Variants in PLCXD3 observed in about 807,000 individuals in gnomAD.
PLCXD3 encodes phosphatidylinositol specific phospholipase C X domain containing 3.
A neutral mutation model predicts 25.5 loss-of-function variants in PLCXD3; 19 were observed. The ratio of observed to expected loss-of-function variants is 0.75; its 90% confidence interval spans 0.52 to 1.09. The LOEUF is 1.09. Ranked by LOEUF, PLCXD3 falls within the 50% of genes least tolerant of loss-of-function variation. PLCXD3 has a pLI of 0.00. For missense variants in PLCXD3, 411 were observed against 388.1 expected, an observed-to-expected ratio of 1.06 and a Z score of -0.50; for synonymous variants, 174 against 137.6, an observed-to-expected ratio of 1.26 and a Z score of -1.85.
At chr5:41,480,202 G>C (rs1748369591) in intron 1 of PLCXD3, among the ~76,000 whole-genome samples, 1 of 152,064 alleles carries the variant, frequency 6.6e-6, no homozygotes, top group Non-Finnish European at 1.5e-5. Flanking sequence ...GCAATATACT[G>C]AGAAAGGTTC....
chr5:41,319,213 C>G (rs1743389052), intron 2 of PLCXD3, among the ~76,000 whole-genome samples: 1 of 152,100 alleles, frequency 6.6e-6, no homozygotes, highest in African/African-American at 2.4e-5. Context: ...ATCTTCCAGA[C>G]AGAAAATCAA....
At chr5:41,460,168 C>A (rs1347241826) in intron 1 of PLCXD3, among the ~76,000 whole-genome samples, 2 of 151,960 alleles carry the variant, frequency 1.3e-5, no homozygotes, top group East Asian at 3.9e-4. Context: ...TGCTAGTGTT[C>A]CCATTTGTGT....
intron 1 of PLCXD3, among the ~76,000 whole-genome samples, chr5:41,490,622 G>T (rs1288455193): frequency 6.6e-6 from 1 of 152,120 alleles, no homozygotes; most frequent in Non-Finnish European, 1.5e-5. Flanking sequence ...TCCTGTTATT[G>T]GTCTATTCAG....
chr5:41,457,044 C>T (rs1410683138), intron 1 of PLCXD3, among the ~76,000 whole-genome samples: 1 of 151,782 alleles, frequency 6.6e-6, no homozygotes, highest in South Asian at 2.1e-4. Flanking sequence ...ATACCCAACC[C>T]ATATGAGTCA....
chr5:41,412,244 A>G (rs1048296596), intron 1 of PLCXD3, among the ~76,000 whole-genome samples: 6 of 152,110 alleles, frequency 3.9e-5, no homozygotes, highest in African/African-American at 1.2e-4. Flanking sequence ...TACAACATCA[A>G]TGTTTTTCCG....
chr5:41,404,238 G>A (rs1384875223), intron 1 of PLCXD3, among the ~76,000 whole-genome samples: 1 of 152,044 alleles, frequency 6.6e-6, no homozygotes, highest in Admixed American at 6.6e-5. Flanking sequence ...TTCTAATTTG[G>A]TTAATTAAAA....
intron 1 of PLCXD3, among the ~76,000 whole-genome samples, chr5:41,457,201 T>A (rs1444099155): frequency 6.6e-6 from 1 of 151,976 alleles, no homozygotes; most frequent in African/African-American, 2.4e-5. Flanking sequence ...TGTCGCCTGG[T>A]GTCCACACTT....
intron 1 of PLCXD3, among the ~76,000 whole-genome samples, chr5:41,496,007 A>C (rs1025436351): frequency 1.3e-5 from 2 of 152,156 alleles, no homozygotes; most frequent in Non-Finnish European, 2.9e-5. Flanking sequence ...AAAAAATAAA[A>C]ACTTCATCAA....
intron 1 of PLCXD3, among the ~76,000 whole-genome samples, chr5:41,491,467 G>C (rs543853151): frequency 5.9e-5 from 9 of 152,304 alleles, no homozygotes; most frequent in Non-Finnish European, 1.0e-4. Context: ...GTGCAGAGCT[G>C]AGTTCAATTC....
At chr5:41,458,572 A>T (rs1202719626) in intron 1 of PLCXD3, among the ~76,000 whole-genome samples, 1 of 151,992 alleles carries the variant, frequency 6.6e-6, no homozygotes, top group African/African-American at 2.4e-5. Context: ...AACTGTGTTA[A>T]GTGTTGGGAC....
intron 2 of PLCXD3, among the ~76,000 whole-genome samples, chr5:41,321,529 A>C (rs1388229672): frequency 6.6e-6 from 1 of 152,240 alleles, no homozygotes; most frequent in East Asian, 1.9e-4. Context: ...GATTTAATGC[A>C]ATCTACTGTC....
At position 41,414,907 on chromosome 5, in the gene PLCXD3, T is replaced by C. The variant is rs141116197; in HGVS notation, c.104-32373A>G. On this transcript the variant is annotated intron_variant, in intron 1 of 2. Transcript: ENST00000377801. The stretch of plus-strand genomic sequence containing the variant: ...TGGGCTTGTGTTTAAATAACTCTTA[T>C]TTTATGCGATAATGGCCTGAAAGCT... 3.5e-3 allele frequency among the ~76,000 whole-genome samples: 539 copies of C among 152,332 alleles called. 4 individuals are homozygous for C. The highest frequency in any genetic ancestry group is 0.012 in the African/African-American group (485 of 41,566).
intron 2 of PLCXD3, 63 bp downstream of exon 2, chr5:41,381,763 T>C: frequency 6.9e-7 from 1 of 1,454,508 alleles, no homozygotes; most frequent in Non-Finnish European, 9.3e-7. Flanking sequence ...TCATCACTTA[T>C]GAGCTCTATA....
At chr5:41,501,936 C>G (rs1162197037) in intron 1 of PLCXD3, among the ~76,000 whole-genome samples, 1 of 152,002 alleles carries the variant, frequency 6.6e-6, no homozygotes, top group Non-Finnish European at 1.5e-5. Flanking sequence ...ATATAACAAC[C>G]TGAAGGTAGG....
intron 2 of PLCXD3, among the ~76,000 whole-genome samples, chr5:41,327,514 C>G (rs1743668333): frequency 6.6e-6 from 1 of 152,158 alleles, no homozygotes; most frequent in South Asian, 2.1e-4. Flanking sequence ...TCTCAGATTG[C>G]TGTGAGAGTC....
intron 2 of PLCXD3, among the ~76,000 whole-genome samples, chr5:41,343,117 C>T (rs750070543): frequency 2.0e-5 from 3 of 152,128 alleles, no homozygotes; most frequent in African/African-American, 4.8e-5. Context: ...GCTGCAACTT[C>T]GCACAAGCAT....
chr5:41,477,232 A>G lies in PLCXD3; in HGVS notation c.103+33192T>C, dbSNP rs1009699537. ...GTTACCCTAACAGTATAGAAATGGT[A>G]CTTACTACTAGTAGTCATTGTAGTT... On this transcript the variant is annotated intron_variant, in intron 1 of 2. Transcript: ENST00000377801. Among the ~76,000 whole-genome samples the G allele has an allele frequency of 2.6e-5, 4 of 152,180 alleles. No homozygotes were observed. The East Asian group carries it at 7.7e-4, about 29-fold the overall frequency.
At chr5:41,344,733 GA>G (rs34783792) in intron 2 of PLCXD3, among the ~76,000 whole-genome samples, 49,051 of 151,748 alleles carry the variant, frequency 0.32, 10,416 homozygotes, top group African/African-American at 0.6. Context: ...CAACCATTTA[GA>G]AAAAAATATC....
intron 1 of PLCXD3, among the ~76,000 whole-genome samples, chr5:41,388,981 A>G (rs992377670): frequency 2.6e-5 from 4 of 151,522 alleles, no homozygotes; most frequent in Admixed American, 2.0e-4. Context: ...TGTATTTATA[A>G]TATTTATACA....
Sources: allele counts gnomAD v4.1 joint callset (sites outside exome capture counted in the v4.1 genomes callset), GRCh38; gene constraint gnomAD v4.1.1; transcripts MANE v1.5; gene names NCBI Gene and HGNC (gene_info 2026-07-23, HGNC 2026-07-21).